The following STK31 variants were observed in gnomAD, a reference collection of about 807,000 sequenced individuals.
STK31 encodes serine/threonine kinase 31.
A neutral mutation model predicts 129.7 loss-of-function variants in STK31; 89 were observed. The ratio of observed to expected loss-of-function variants is 0.69; its 90% confidence interval spans 0.58 to 0.82. STK31 has a LOEUF of 0.82. Among genes scored for constraint, STK31 ranks in the 40% least tolerant of loss-of-function variants. The probability of loss-of-function intolerance (pLI) is 0.00; values close to 1 mark genes in which losing one functional copy is unlikely to be tolerated. For missense variants in STK31, 1,187 were observed against 1,176.4 expected (o/e 1.01, Z -0.13); for synonymous variants, 448 against 395.3 (o/e 1.13, Z -1.58).
chr7:23,737,672 A>T (rs758016968), intron 8 of STK31, among the ~76,000 whole-genome samples: 13 of 152,332 alleles, frequency 8.5e-5, no homozygotes, highest in South Asian at 6.2e-4. Context: ...TCCAATCAGG[A>T]TCCCAGTTAG....
chr7:23,785,389 C>A (rs939926653), intron 17 of STK31, 89 bp from the exon 18 acceptor site: 9 of 1,529,932 alleles, frequency 5.9e-6, no homozygotes, highest in African/African-American at 2.8e-5. Flanking sequence ...GTGTCCAAGT[C>A]ATTTAATATC....
At position 23,785,714 on chromosome 7, in the gene STK31, G is replaced by C. The variant is rs555714617; in HGVS notation, c.2274+111G>C. The C allele has an allele frequency of 2.1e-4, 282 of 1,366,424 alleles. No individual in the cohort carries two copies. The African/African-American group carries it at 3.7e-3, about 18-fold the overall frequency. The allele number at this position is 1,366,424 out of a possible 1,614,324, so 84.6% of individuals were successfully genotyped here. ...ACTGTTAGTTTTCTAAAGTGTATAAGTTGACTGGCATGATAATTGTGCTTG... is the reference window on the plus strand; with the variant it reads ...ACTGTTAGTTTTCTAAAGTGTATAACTTGACTGGCATGATAATTGTGCTTG... On this transcript the variant is annotated intron_variant, in intron 18 of 23. Coordinates refer to ENST00000355870, the MANE Select transcript of STK31 (RefSeq NM_031414.5).
chr7:23,795,121 G>A (rs12533472), intron 22 of STK31, among the ~76,000 whole-genome samples: 8,626 of 152,238 alleles, frequency 0.057, 300 homozygotes, highest in East Asian at 0.13. Context: ...AGAAAGCTTC[G>A]CAGCAGCCCT....
chr7:23,810,701 G>GAT (rs1351763517), intron 22 of STK31, among the ~76,000 whole-genome samples: 4 of 72,680 alleles, frequency 5.5e-5, no homozygotes, highest in South Asian at 3.4e-4. Flanking sequence ...ATATAAAATA[G>GAT]ATATATATAA....
intron 10 of STK31, among the ~76,000 whole-genome samples, chr7:23,759,237 C>G (rs1988373): frequency 5.9e-5 from 9 of 152,130 alleles, no homozygotes; most frequent in African/African-American, 1.9e-4. Flanking sequence ...AGAAAATTAA[C>G]AAGGATATTC....
chr7:23,799,357 T>C lies in STK31; in HGVS notation c.2760+8411T>C, dbSNP rs143293263. ...TTCAAACTATAGTACAAGGCTACAG[T>C]AACCAAAATAGCATGGTACCGGTAC... On this transcript the variant is annotated intron_variant, in intron 22 of 23. Transcript: ENST00000355870. 1.2e-4 allele frequency among the ~76,000 whole-genome samples: 19 copies of C among 152,234 alleles called. No homozygotes were observed. In the East Asian group the frequency reaches 3.5e-3, roughly 28 times the overall value.
At position 23,823,283 on chromosome 7, in the gene STK31, A is replaced by G. The variant is rs575247274; in HGVS notation, c.2829+8071A>G. 6.4e-4 allele frequency among the ~76,000 whole-genome samples: 98 copies of G among 151,986 alleles called. No individual in the cohort carries two copies. In the East Asian group the frequency reaches 0.012, roughly 19 times the overall value. On this transcript the variant is annotated intron_variant, in intron 23 of 23. Transcript: ENST00000355870. The stretch of plus-strand genomic sequence containing the variant: ...GTTGTTTCCTGACTTTTTAATGATC[A>G]CCATTCTAACTGGTGTGAGATGGTA...
intron 21 of STK31, among the ~76,000 whole-genome samples, chr7:23,790,282 T>C (rs978789031): frequency 6.6e-6 from 1 of 152,042 alleles, no homozygotes; most frequent in Non-Finnish European, 1.5e-5. Context: ...AAAAATAAAT[T>C]TTAAAAATGG....
intron 10 of STK31, among the ~76,000 whole-genome samples, chr7:23,761,167 C>T (rs1789438479): frequency 6.6e-6 from 1 of 152,126 alleles, no homozygotes; most frequent in African/African-American, 2.4e-5. Flanking sequence ...AGCTTTAGCA[C>T]TTACTATCCT....
intron 23 of STK31, among the ~76,000 whole-genome samples, chr7:23,831,699 A>G (rs1199894760): frequency 6.6e-6 from 1 of 152,094 alleles, no homozygotes; most frequent in Non-Finnish European, 1.5e-5. Flanking sequence ...TGTCGTGGTA[A>G]CACTTGAATT....
chr7:23,792,428 T>C (rs2128115250), intron 22 of STK31, among the ~76,000 whole-genome samples: 1 of 152,274 alleles, frequency 6.6e-6, no homozygotes, highest in African/African-American at 2.4e-5. Flanking sequence ...AGTTGCACAC[T>C]ATTAAAACTA....
At chr7:23,723,361 T>C (rs1786844027) in intron 4 of STK31, among the ~76,000 whole-genome samples, 1 of 152,200 alleles carries the variant, frequency 6.6e-6, no homozygotes, top group Admixed American at 6.5e-5. Context: ...TCTATAAAAA[T>C]TAGCCCATCT....
chr7:23,779,987 C>T (rs1241947536), intron 15 of STK31, among the ~76,000 whole-genome samples: 2 of 152,216 alleles, frequency 1.3e-5, no homozygotes, highest in East Asian at 3.8e-4. Context: ...AGGGAATCTC[C>T]TGCTCTGTGG....
intron 22 of STK31, among the ~76,000 whole-genome samples, chr7:23,801,972 C>G (rs576727985): frequency 6.6e-6 from 1 of 152,174 alleles, no homozygotes; most frequent in Admixed American, 6.5e-5. Flanking sequence ...TAGTATGATT[C>G]TTTTTCAGAT....
intron 22 of STK31, among the ~76,000 whole-genome samples, chr7:23,798,840 G>GA (rs1418797823): frequency 6.6e-6 from 1 of 152,200 alleles, no homozygotes; most frequent in African/African-American, 2.4e-5. Context: ...TGTATATTTA[G>GA]AAAATCCCAT....
chr7:23,830,848 G>A (rs10242933), intron 23 of STK31, among the ~76,000 whole-genome samples: 41,744 of 151,952 alleles, frequency 0.27, 6,474 homozygotes, highest in African/African-American at 0.43. Flanking sequence ...TCAAACTCCT[G>A]ACCTTAAGTG....
chr7:23,811,233 C>T (rs2128125608), intron 22 of STK31: 1 of 307,730 alleles, frequency 3.2e-6, no homozygotes, highest in Non-Finnish European at 6.3e-6. Context: ...ACTGTGCCAT[C>T]TAGATTGATG....
chr7:23,822,716 T>C (rs1243460039), intron 23 of STK31, among the ~76,000 whole-genome samples: 2 of 152,204 alleles, frequency 1.3e-5, no homozygotes, highest in Non-Finnish European at 2.9e-5. Flanking sequence ...ACTCGTCATT[T>C]AGCATTAGGT....
At chr7:23,749,010 CTT>C (rs1373764972) in intron 8 of STK31, among the ~76,000 whole-genome samples, 1 of 152,118 alleles carries the variant, frequency 6.6e-6, no homozygotes, top group Non-Finnish European at 1.5e-5. Context: ...TCAAATGTAT[CTT>C]TACTGATTTT....
Sources: gnomAD v4.1 joint callset for allele counts (sites outside exome capture counted in the v4.1 genomes callset) on GRCh38, gnomAD v4.1.1 for gene constraint, MANE v1.5 for transcripts, NCBI Gene and HGNC (gene_info 2026-07-23, HGNC 2026-07-21) for gene names.